DSCAM: variants seen among roughly 807,000 people sequenced by gnomAD.
The protein encoded by DSCAM is DS cell adhesion molecule.
DSCAM carries 47 observed loss-of-function variants against 217.7 expected under a neutral mutation model. The observed-to-expected ratio is 0.22, with a 90% CI of 0.17 to 0.28. The LOEUF is 0.28. Among genes scored for constraint, DSCAM ranks in the 10% least tolerant of loss-of-function variants. The pLI is 1.00. For synonymous variants in DSCAM, 1,056 were observed against 1,015.3 expected (o/e 1.04, Z -0.76); for missense variants, 2,080 against 2,618.3 (o/e 0.79, Z 4.49).
intron 1 of DSCAM, among the ~76,000 whole-genome samples, chr21:40,766,003 G>A (rs2091384993): frequency 6.6e-6 from 1 of 152,240 alleles, no homozygotes; most frequent in South Asian, 2.1e-4. Context: ...TGCTATCACA[G>A]CCGCGGAGGC....
At chr21:40,435,007 T>C (rs193158888) in intron 3 of DSCAM, among the ~76,000 whole-genome samples, 14 of 152,288 alleles carry the variant, frequency 9.2e-5, no homozygotes, top group Admixed American at 8.5e-4. Flanking sequence ...AAGACCTACA[T>C]TGTCCCCAAC....
At chr21:40,359,358 G>C (rs2074732473) in intron 4 of DSCAM, among the ~76,000 whole-genome samples, 1 of 152,182 alleles carries the variant, frequency 6.6e-6, no homozygotes, top group African/African-American at 2.4e-5. Context: ...ATTGGCTAGA[G>C]TTTATTTTTT....
In DSCAM at chr21:40,102,317, G is replaced by A. The variant is rs568311607; in HGVS notation, c.3697-8443C>T. Among the ~76,000 whole-genome samples the A allele has an allele frequency of 2.4e-4, 36 of 152,252 alleles. No homozygotes were observed. In the South Asian group the frequency reaches 5.8e-3, roughly 25 times the overall value. ...CTGACATGTTTGCCTCCCCAAAGCCGTATCCAGAGTGGAAAATACAGTAAA... is the reference window on the plus strand; with the variant it reads ...CTGACATGTTTGCCTCCCCAAAGCCATATCCAGAGTGGAAAATACAGTAAA... On this transcript the variant is annotated intron_variant, in intron 20 of 32. Transcript: ENST00000400454.
chr21:40,276,520 C>A (rs925419870), intron 10 of DSCAM, among the ~76,000 whole-genome samples: 1 of 152,268 alleles, frequency 6.6e-6, no homozygotes, highest in African/African-American at 2.4e-5. Context: ...GATAGTTTCT[C>A]TACATAAAAA....
At chr21:40,695,500 A>AG (rs2090585718) in intron 2 of DSCAM, among the ~76,000 whole-genome samples, 2 of 152,210 alleles carry the variant, frequency 1.3e-5, no homozygotes, top group Admixed American at 6.5e-5. Context: ...CCTCCAGGTC[A>AG]GTCCCAAGAA....
chr21:40,429,735 G>A (rs1274633474), intron 3 of DSCAM, among the ~76,000 whole-genome samples: 1 of 152,166 alleles, frequency 6.6e-6, no homozygotes, highest in East Asian at 1.9e-4. Flanking sequence ...CTGGCTTACT[G>A]CCTGGCACAC....
chr21:40,267,333 T>G (rs893220413), intron 11 of DSCAM, among the ~76,000 whole-genome samples: 4 of 151,998 alleles, frequency 2.6e-5, no homozygotes, highest in African/African-American at 9.7e-5. Flanking sequence ...ACATAAACCA[T>G]GAATAGTCAT....
intron 3 of DSCAM, among the ~76,000 whole-genome samples, chr21:40,576,172 A>G (rs1168831452): frequency 1.3e-5 from 2 of 152,220 alleles, no homozygotes; most frequent in African/African-American, 4.8e-5. Flanking sequence ...CCTTTCTCCT[A>G]TTAGTCAATC....
intron 3 of DSCAM, among the ~76,000 whole-genome samples, chr21:40,411,065 C>A (rs1275304479): frequency 1.3e-5 from 2 of 151,890 alleles, no homozygotes; most frequent in Non-Finnish European, 2.9e-5. Flanking sequence ...ATAAAATACA[C>A]ACAAAAATAG....
intron 9 of DSCAM, 90 bp from the exon 10 acceptor site, chr21:40,296,264 T>C: frequency 7.2e-7 from 1 of 1,397,430 alleles, no homozygotes; most frequent in Non-Finnish European, 9.9e-7. Flanking sequence ...TTTTAATGAA[T>C]ATTAAAATAT....
chr21:40,123,973 A>G (rs938288579), intron 20 of DSCAM, among the ~76,000 whole-genome samples: 7 of 152,214 alleles, frequency 4.6e-5, no homozygotes, highest in Non-Finnish European at 8.8e-5. Context: ...CAAATAAACA[A>G]TAATTCCAGA....
At chr21:40,780,423 GTATATA>G (rs71186965) in intron 1 of DSCAM, among the ~76,000 whole-genome samples, 2 of 56,436 alleles carry the variant, frequency 3.5e-5, no homozygotes, top group African/African-American at 1.5e-4. Context: ...GTGTGTGTGT[GTATATA>G]TATATATATA....
intron 3 of DSCAM, among the ~76,000 whole-genome samples, chr21:40,664,342 A>G (rs901175431): frequency 2.0e-5 from 3 of 152,160 alleles, no homozygotes; most frequent in Non-Finnish European, 4.4e-5. Context: ...ATTTATTGTT[A>G]TCAAGGCCTG....
chr21:40,505,557 C>G (rs1457883447), intron 3 of DSCAM, among the ~76,000 whole-genome samples: 1 of 152,124 alleles, frequency 6.6e-6, no homozygotes, highest in Non-Finnish European at 1.5e-5. Context: ...GAATTTCAGA[C>G]ATATCTCTAA....
intron 21 of DSCAM, 28 bp from the exon 22 acceptor site, chr21:40,087,315 G>C: frequency 6.4e-7 from 1 of 1,558,356 alleles, no homozygotes; most frequent in Non-Finnish European, 8.9e-7. Flanking sequence ...GTGGAATCCT[G>C]ATTACTCCAC....
intron 8 of DSCAM, among the ~76,000 whole-genome samples, chr21:40,315,532 G>A (rs2074187055): frequency 6.6e-6 from 1 of 152,166 alleles, no homozygotes; most frequent in Non-Finnish European, 1.5e-5. Context: ...AAGAACAGAA[G>A]TAAGAGGTAG....
In DSCAM at chr21:40,622,649, G is replaced by A. The variant is rs1478232012; in HGVS notation, c.508+70161C>T. ...CATCTGCAGGAGGTATAGCCTGCCC[G>A]AATACCAGCACGAGGGGTCTAGTTG... On this transcript the variant is annotated intron_variant, in intron 3 of 32. Coordinates refer to ENST00000400454, the MANE Select transcript of DSCAM (RefSeq NM_001389.5). 2.6e-5 allele frequency among the ~76,000 whole-genome samples: 4 copies of A among 152,040 alleles called. No homozygotes were observed. In the South Asian group the frequency reaches 6.2e-4, roughly 24 times the overall value.
At position 40,312,074 on chromosome 21, in the gene DSCAM, T is replaced by C; in HGVS notation, c.2062+7A>G. The C allele has an allele frequency of 6.2e-7, 1 of 1,612,676 alleles. No homozygotes were observed. Among genetic ancestry groups the C allele is most frequent in the Non-Finnish European group, 8.5e-7 (1 of 1,178,788 alleles). ...AGATGCCACATGGCTCATGATCCTT[T>C]GCTCACCTCTGACAATCAACTGGCT... On this transcript the variant is annotated splice_region_variant and intron_variant, in intron 9 of 32. Transcript: ENST00000400454.
At chr21:40,739,497 C>G (rs1367101843) in intron 1 of DSCAM, among the ~76,000 whole-genome samples, 2 of 152,232 alleles carry the variant, frequency 1.3e-5, no homozygotes, top group African/African-American at 4.8e-5. Context: ...CCTGGGGCCT[C>G]TCTCTTTCCT....
Sources: gnomAD v4.1 joint callset for allele counts (sites outside exome capture counted in the v4.1 genomes callset) on GRCh38, gnomAD v4.1.1 for gene constraint, MANE v1.5 for transcripts, NCBI Gene and HGNC (gene_info 2026-07-23, HGNC 2026-07-21) for gene names.